Variants in RLN1 observed in about 807,000 individuals in gnomAD.
The protein encoded by RLN1 is prorelaxin H1.
In RLN1, 4 loss-of-function variants were observed where a neutral mutation model predicts 7.2. The ratio of observed to expected loss-of-function variants is 0.56; its 90% CI spans 0.28 to 1.28. The LOEUF is 1.28. RLN1 is among the 50% of genes most tolerant of loss of function. The pLI is 0.11. For synonymous variants in RLN1, 105 were observed against 86.0 expected (o/e 1.22, Z -1.22); for missense variants, 293 against 221.1 (o/e 1.32, Z -2.06).
chr9:5,335,372 G>C lies in RLN1; in HGVS notation c.437C>G (p.Ser146Ter), dbSNP rs777106460. 6.2e-7 allele frequency: 1 copy of C among 1,613,480 alleles called. No homozygotes were observed. The highest frequency in any genetic ancestry group is 8.5e-7 in the Non-Finnish European group (1 of 1,179,628). The stretch of plus-strand genomic sequence containing the variant: ...ATCCAAGCCTAAGTATTTTAATTCT[G>C]AAGGATTGCTGTCTGCGGCTTCACT... ...RQSEAADSNP[S>*]ELKYLGLDTH... The change falls in exon 2 of 2, where the codon TCA (serine) becomes TGA (stop). Residue 146 changes from serine to a stop codon, truncating the protein, a stop_gained. Transcript: ENST00000223862. LOFTEE classifies it low-confidence loss of function (END_TRUNC).
In RLN1 at chr9:5,339,713, A is replaced by G; in HGVS notation, c.34T>C (p.Phe12Leu). The change falls in exon 1 of 2, where the codon TTC becomes CTC. Residue 12 changes from phenylalanine (F) to leucine (L), a missense_variant. Phe to Leu is a conservative substitution (Grantham distance 22). Coordinates refer to ENST00000223862, the MANE Select transcript of RLN1 (RefSeq NM_006911.4). ...PRLFLFHLLE[F>L]CLLLNQFSRA... is the part of the protein sequence containing the mutation. ...GAAAATTGGTTCAGTAGTAAACAGA[A>G]TTCTAGCAGGTGGAACAAGAACAGG... 1 of 1,610,812 alleles carries G rather than the reference A, an allele frequency of 6.2e-7. No homozygotes were observed. Among genetic ancestry groups the G allele is most frequent in the South Asian group, 1.1e-5 (1 of 91,054 alleles).
At chr9:5,340,209 A>G (rs1210516194), upstream of RLN1, among the ~76,000 whole-genome samples, 1 of 152,216 alleles carries the variant, frequency 6.6e-6, no homozygotes, top group Non-Finnish European at 1.5e-5. Flanking sequence ...ATAGGATTAT[A>G]GATTACCTTA....
In RLN1 at chr9:5,335,416, T is replaced by G; in HGVS notation, c.393A>C (p.Lys131Asn). 1.9e-6 allele frequency: 3 copies of G among 1,613,740 alleles called. No individual in the cohort carries two copies. Among genetic ancestry groups the G allele is most frequent in the Non-Finnish European group, 2.5e-6 (3 of 1,179,820 alleles). Reference sequence around the variant, plus strand: ...CTTCACTTTGCCTATTGCGAATAAGTTTCTTAAATTCTTCAAAGCTAAGAT... The same window carrying G: ...CTTCACTTTGCCTATTGCGAATAAGGTTCTTAAATTCTTCAAAGCTAAGAT... Reference protein sequence around the residue: ...DSNLSFEEFKKLIRNRQSEAA... With the variant: ...DSNLSFEEFKNLIRNRQSEAA... Residue 131 changes from lysine to asparagine, a missense_variant, in exon 2 of 2, where the codon AAA (lysine) becomes AAC (asparagine). By Grantham distance (94) the Lys-to-Asn change is moderately conservative (BLOSUM62 0). Transcript: ENST00000223862.
chr9:5,335,345 G>C lies in RLN1; in HGVS notation c.464C>G (p.Thr155Ser), dbSNP rs1307469757. 2.5e-6 allele frequency: 4 copies of C among 1,613,118 alleles called. No homozygotes were observed. In the South Asian group the frequency reaches 4.4e-5, roughly 18 times the overall value. Residue 155 changes from threonine to serine, a missense_variant, in exon 2 of 2, where the codon ACT becomes AGT. By Grantham distance (58) the Thr-to-Ser change is moderately conservative (BLOSUM62 1). Coordinates refer to ENST00000223862, the MANE Select transcript of RLN1 (RefSeq NM_006911.4). Reference sequence around the variant, plus strand: ...GGGTCGTCTCTTTTTTTGAGAATGAGTATCCAAGCCTAAGTATTTTAATTC... The same window carrying C: ...GGGTCGTCTCTTTTTTTGAGAATGACTATCCAAGCCTAAGTATTTTAATTC... ...PSELKYLGLD[T>S]HSQKKRRPYV...
In RLN1 at chr9:5,339,586, T is replaced by C; in HGVS notation, c.161A>G (p.Lys54Arg). ...IAICGMSTWSKRSLSQEDAPQ... is the reference protein window; with the variant it reads ...IAICGMSTWSRRSLSQEDAPQ... The stretch of plus-strand genomic sequence containing the variant: ...AGCATCTTCCTGGCTCAGAGACCTT[T>C]TGCTCCAGGTGCTCATGCCGCAAAT... The change falls in exon 1 of 2, where the codon AAA becomes AGA. Residue 54 changes from lysine (K) to arginine (R), a missense_variant. Lys to Arg is a conservative substitution (Grantham distance 26). Coordinates refer to ENST00000223862, the MANE Select transcript of RLN1 (RefSeq NM_006911.4). 6.2e-7 allele frequency: 1 copy of C among 1,610,126 alleles called. No individual in the cohort carries two copies. The highest frequency in any genetic ancestry group is 8.5e-7 in the Non-Finnish European group (1 of 1,179,536).
intron 1 of RLN1, among the ~76,000 whole-genome samples, chr9:5,337,244 G>T (rs1816915543): frequency 6.6e-6 from 1 of 151,918 alleles, no homozygotes; most frequent in South Asian, 2.1e-4. Flanking sequence ...AAAGCTGATG[G>T]TAATTTTCTG....
chr9:5,340,783 T>G (rs768511856), upstream of RLN1, among the ~76,000 whole-genome samples: 6 of 152,194 alleles, frequency 3.9e-5, no homozygotes, highest in Non-Finnish European at 7.3e-5. Flanking sequence ...ACCTGTAAAT[T>G]TTTAGTACAA....
chr9:5,336,354 G>C lies in RLN1; in HGVS notation c.212-757C>G, dbSNP rs570128297. 1.4e-4 allele frequency among the ~76,000 whole-genome samples: 22 copies of C among 152,154 alleles called. No homozygotes were observed. In the South Asian group the frequency reaches 3.3e-3, roughly 23 times the overall value. On this transcript the variant is annotated intron_variant, in intron 1 of 1. Coordinates refer to ENST00000223862, the MANE Select transcript of RLN1 (RefSeq NM_006911.4). ...GTCTGATGTTTGTTCCAAGGCTGCAGATCATGCACTATGCAAGATCTGTGT... is the reference window on the plus strand; with the variant it reads ...GTCTGATGTTTGTTCCAAGGCTGCACATCATGCACTATGCAAGATCTGTGT...
intron 1 of RLN1, among the ~76,000 whole-genome samples, chr9:5,336,347 G>A (rs1384748533): frequency 6.6e-6 from 1 of 152,004 alleles, no homozygotes; most frequent in African/African-American, 2.4e-5. Flanking sequence ...TTTGTTCCAA[G>A]GCTGCAGATC....
intron 1 of RLN1, 117 bp downstream of exon 1, chr9:5,339,408 TAGGGGCTGAGC>T (rs1816944090): frequency 1.6e-6 from 1 of 619,000 alleles, no homozygotes; most frequent in Non-Finnish European, 2.7e-6. Flanking sequence ...CACGGCTGAG[TAGGGGCTGAGC>T]GGTGGCAGCC....
At position 5,339,734 on chromosome 9, in the gene RLN1, A is replaced by G; in HGVS notation, c.13T>C (p.Phe5Leu). The change falls in exon 1 of 2, where the codon TTC becomes CTC. Residue 5 changes from phenylalanine (F) to leucine (L), a missense_variant. Physicochemically the swap from Phe to Leu is conservative, Grantham distance 22. Transcript: ENST00000223862. MPRL[F>L]LFHLLEFCLL... ...CAGAATTCTAGCAGGTGGAACAAGA[A>G]CAGGCGAGGCATCCTGGGCCTGGTC... 6.2e-7 allele frequency: 1 copy of G among 1,613,596 alleles called. No individual in the cohort carries two copies. The highest frequency in any genetic ancestry group is 8.5e-7 in the Non-Finnish European group (1 of 1,180,034).
rs767897804 is a variant in RLN1, at chr9:5,339,785, C to G, written c.-39G>C. 6.2e-7 allele frequency: 1 copy of G among 1,600,664 alleles called. No homozygotes were observed. The highest frequency in any genetic ancestry group is 1.7e-5 in the Admixed American group (1 of 59,886). On this transcript the variant is annotated 5_prime_UTR_variant, in exon 1 of 2. Coordinates refer to ENST00000223862, the MANE Select transcript of RLN1 (RefSeq NM_006911.4). Reference sequence around the variant, plus strand: ...TCTCCTGGAGGTCTGGGTGTTGCAGCCTTTCAGGACTGCGGCTGCTGTGGC... The same window carrying G: ...TCTCCTGGAGGTCTGGGTGTTGCAGGCTTTCAGGACTGCGGCTGCTGTGGC...
chr9:5,339,975 G>C (rs560600412), upstream of RLN1: 45 of 576,850 alleles, frequency 7.8e-5, no homozygotes, highest in Non-Finnish European at 1.2e-4. Context: ...CTCTTGTTCT[G>C]CCTCTCCGCC....
At chr9:5,337,689 G>A (rs990614595) in intron 1 of RLN1, among the ~76,000 whole-genome samples, 2 of 151,836 alleles carry the variant, frequency 1.3e-5, no homozygotes, top group Non-Finnish European at 2.9e-5. Flanking sequence ...ACCTAGTAAC[G>A]GTAAACATTT....
At position 5,335,422 on chromosome 9, in the gene RLN1, A is replaced by C; in HGVS notation, c.387T>G (p.Phe129Leu). ...LKDSNLSFEE[F>L]KKLIRNRQSE... ...TTTGCCTATTGCGAATAAGTTTCTT[A>C]AATTCTTCAAAGCTAAGATTGGAAT... Residue 129 changes from phenylalanine (F) to leucine (L), a missense_variant, in exon 2 of 2, where the codon TTT becomes TTG. Coordinates refer to ENST00000223862, the MANE Select transcript of RLN1 (RefSeq NM_006911.4). 6.2e-7 allele frequency: 1 copy of C among 1,613,778 alleles called. No individual in the cohort carries two copies. Among genetic ancestry groups the C allele is most frequent in the Non-Finnish European group, 8.5e-7 (1 of 1,179,836 alleles).
rs371851858 is a variant in RLN1 at position 5,335,313 on chromosome 9, C to G, written c.496G>C (p.Ala166Pro). ...HSQKKRRPYV[A>P]LFEKCCLIGC... Reference sequence around the variant, plus strand: ...ATTAGGCAACATTTCTCAAACAGTGCCACGTAGGGTCGTCTCTTTTTTTGA... The same window carrying G: ...ATTAGGCAACATTTCTCAAACAGTGGCACGTAGGGTCGTCTCTTTTTTTGA... Residue 166 changes from alanine to proline, a missense_variant, in exon 2 of 2, where the codon GCA becomes CCA. By Grantham distance (27) the Ala-to-Pro change is conservative (BLOSUM62 -1). Transcript: ENST00000223862. The G allele has an allele frequency of 6.2e-7, 1 of 1,609,136 alleles. No homozygotes were observed. The highest frequency in any genetic ancestry group is 8.5e-7 in the Non-Finnish European group (1 of 1,178,796).
rs1233756222 is a variant in RLN1, at chr9:5,335,293, G to A, written c.516C>T (p.Cys172=). 1.2e-6 allele frequency: 2 copies of A among 1,601,830 alleles called. No homozygotes were observed. Among genetic ancestry groups the A allele is most frequent in the South Asian group, 2.3e-5 (2 of 87,550 alleles). Residue 172 remains cysteine (C), a synonymous_variant, in exon 2 of 2, where the codon TGC becomes TGT. Coordinates refer to ENST00000223862, the MANE Select transcript of RLN1 (RefSeq NM_006911.4). ...RPYVALFEKC[C]LIGCTKRSLA... is the part of the protein sequence containing the mutation. ...GAGACCTTTTGGTACAACCAATTAGGCAACATTTCTCAAACAGTGCCACGT... is the reference window on the plus strand; with the variant it reads ...GAGACCTTTTGGTACAACCAATTAGACAACATTTCTCAAACAGTGCCACGT...
rs371042734 is a variant in RLN1 at position 5,335,509 on chromosome 9, T to A, written c.300A>T (p.Ala100=). The change falls in exon 2 of 2, where the codon GCA becomes GCT. Residue 100 remains alanine (A), a synonymous_variant. Coordinates refer to ENST00000223862, the MANE Select transcript of RLN1 (RefSeq NM_006911.4). ...FIANLPPELK[A]ALSERQPSLP... is the part of the protein sequence containing the mutation. Reference sequence around the variant, plus strand: ...ATGATGGTTGCCTCTCAGATAGGGCTGCCTTCAGCTCCGGTGGCAAATTAG... The same window carrying A: ...ATGATGGTTGCCTCTCAGATAGGGCAGCCTTCAGCTCCGGTGGCAAATTAG... The A allele has an allele frequency of 2.9e-5, 46 of 1,613,292 alleles. No homozygotes were observed. Among genetic ancestry groups the A allele is most frequent in the East Asian group, 1.8e-4 (8 of 44,860 alleles).
At chr9:5,339,183 C>A in intron 1 of RLN1, 15 of 197,984 alleles carry the variant, frequency 7.6e-5, no homozygotes, top group South Asian at 3.5e-4. Flanking sequence ...GTGCGCCCGG[C>A]CTCCTGCGGG....
Sources: gnomAD v4.1 joint callset for allele counts (sites outside exome capture counted in the v4.1 genomes callset) on GRCh38, gnomAD v4.1.1 for gene constraint, MANE v1.5 for transcripts, NCBI Gene and HGNC (gene_info 2026-07-23, HGNC 2026-07-21) for gene names.